The following SLC9C2 variants were observed in gnomAD, a reference collection of about 807,000 sequenced individuals.
SLC9C2 encodes the protein solute carrier family 9 member C2 (putative), also known as sodium/hydrogen exchanger 11.
SLC9C2 carries 75 observed loss-of-function variants against 140.2 expected under a neutral mutation model. The ratio of observed to expected loss-of-function variants is 0.53; its 90% CI spans 0.44 to 0.65. The LOEUF (loss-of-function observed/expected upper bound fraction) is 0.65, where lower values mean the gene tolerates loss of function less well. Ranked by LOEUF, SLC9C2 falls within the 30% of genes least tolerant of loss-of-function variation. The pLI is 0.00. For missense variants in SLC9C2, 1,074 were observed against 1,331.8 expected (o/e 0.81, Z 3.01); for synonymous variants, 375 against 420.9 (o/e 0.89, Z 1.34).
At chr1:173,514,923 C>A (rs184872011) in intron 23 of SLC9C2, among the ~76,000 whole-genome samples, 1 of 152,186 alleles carries the variant, frequency 6.6e-6, no homozygotes, top group East Asian at 1.9e-4. Context: ...CTTAGTTTAG[C>A]TGGATATGAA....
Position 173,560,761 on chromosome 1 carries a change from C to T in SLC9C2, c.1047-3253G>A, listed in dbSNP as rs192559297. 7.8e-3 allele frequency among the ~76,000 whole-genome samples: 1,194 copies of T among 152,136 alleles called. 8 individuals are homozygous for T. The highest frequency in any genetic ancestry group is 0.013 in the Non-Finnish European group (861 of 67,964). On this transcript the variant is annotated intron_variant, in intron 9 of 27. Transcript: ENST00000367714. ...CAGCTAGCTATGAAGCCCCATAACACGTTTCTTGTTCCTTCTCTCTTTCTT... is the reference window on the plus strand; with the variant it reads ...CAGCTAGCTATGAAGCCCCATAACATGTTTCTTGTTCCTTCTCTCTTTCTT...
chr1:173,592,602 T>C (rs1390815365), intron 4 of SLC9C2, among the ~76,000 whole-genome samples: 1 of 152,208 alleles, frequency 6.6e-6, no homozygotes, highest in East Asian at 1.9e-4. Context: ...CTAGATATTT[T>C]AGTCTTTTAT....
At chr1:173,512,759 G>T (rs1245881104) in intron 23 of SLC9C2, among the ~76,000 whole-genome samples, 3 of 152,140 alleles carry the variant, frequency 2.0e-5, no homozygotes, top group Non-Finnish European at 2.9e-5. Context: ...TCCAGCTTTT[G>T]CCATTCAGTA....
chr1:173,565,152 T>C (rs1328168864), intron 9 of SLC9C2, among the ~76,000 whole-genome samples: 1 of 151,936 alleles, frequency 6.6e-6, no homozygotes. Flanking sequence ...TCCCATTCTG[T>C]GGGTTGTCTC....
chr1:173,550,353 A>G (rs1663167445), intron 11 of SLC9C2, among the ~76,000 whole-genome samples: 1 of 152,012 alleles, frequency 6.6e-6, no homozygotes, highest in African/African-American at 2.4e-5. Context: ...GCAGTGAGCC[A>G]TAATCGTGCC....
Position 173,581,828 on chromosome 1 carries a change from G to T in SLC9C2, c.802+19C>A. The T allele has an allele frequency of 6.7e-7, 1 of 1,492,584 alleles. No homozygotes were observed. The highest frequency in any genetic ancestry group is 2.1e-5 in the Admixed American group (1 of 47,680). The allele number at this position is 1,492,584 out of a possible 1,614,324, so 92.5% of individuals were successfully genotyped here. On this transcript the variant is annotated intron_variant, in intron 7 of 27. Transcript: ENST00000367714. ...ACTTACTTTAAGGACAGTAATTTTT[G>T]TATTTATTTCAGCCTTACCAATATA...
intron 13 of SLC9C2, among the ~76,000 whole-genome samples, chr1:173,547,344 A>G (rs944391953): frequency 2.6e-5 from 4 of 151,496 alleles, no homozygotes; most frequent in Non-Finnish European, 5.9e-5. Flanking sequence ...AATTTCGTAT[A>G]AATGGAACTC....
chr1:173,524,249 C>T (rs1270000654), intron 20 of SLC9C2, among the ~76,000 whole-genome samples, 155 bp from the exon 21 acceptor site: 1 of 152,172 alleles, frequency 6.6e-6, no homozygotes, highest in Non-Finnish European at 1.5e-5. Flanking sequence ...ATTCCTCTAA[C>T]CATTTTTGTC....
At chr1:173,519,623 A>G (rs1660659969) in intron 22 of SLC9C2, among the ~76,000 whole-genome samples, 1 of 152,232 alleles carries the variant, frequency 6.6e-6, no homozygotes, top group Non-Finnish European at 1.5e-5. Context: ...AAAATCCCCA[A>G]AGAAACATGT....
Position 173,601,640 on chromosome 1 carries a change from A to C in SLC9C2, c.127+10T>G. ...CAGAGGAAAGATGAGTTTCAAAAAC[A>C]ACCACCTACCTCCCAAAACAACAAT... On this transcript the variant is annotated intron_variant, in intron 2 of 27. Transcript: ENST00000367714. 6.2e-7 allele frequency: 1 copy of C among 1,612,636 alleles called. No homozygotes were observed. Among genetic ancestry groups the C allele is most frequent in the Non-Finnish European group, 8.5e-7 (1 of 1,179,336 alleles).
chr1:173,578,609 T>C (rs752922456), intron 7 of SLC9C2, among the ~76,000 whole-genome samples: 5 of 152,096 alleles, frequency 3.3e-5, no homozygotes, highest in Non-Finnish European at 7.4e-5. Flanking sequence ...ACCACAGAAA[T>C]GTATTGTCTC....
chr1:173,546,643 A>G (rs542881058), intron 13 of SLC9C2, among the ~76,000 whole-genome samples: 130 of 152,166 alleles, frequency 8.5e-4, no homozygotes, highest in Non-Finnish European at 1.6e-3. Context: ...ATGAAAGCAA[A>G]AAGAAGAAAT....
rs572120802 is a variant in SLC9C2 at position 173,516,090 on chromosome 1, C to T, written c.2907+1447G>A. ...GGCACCGAACTGATGCCAGTAGGAA[C>T]GCTCCTGTATAGGGTGTCTGATAAC... is the stretch of plus-strand genomic sequence containing the variant. On this transcript the variant is annotated intron_variant, in intron 23 of 27. Transcript: ENST00000367714. Among the ~76,000 whole-genome samples the T allele has an allele frequency of 5.9e-5, 9 of 152,274 alleles. No homozygotes were observed. In the South Asian group the frequency reaches 1.5e-3, roughly 25 times the overall value.
intron 2 of SLC9C2, 73 bp downstream of exon 2, chr1:173,601,577 T>C: frequency 6.5e-7 from 1 of 1,540,628 alleles, no homozygotes; most frequent in Non-Finnish European, 8.8e-7. Context: ...TGTTATGTAG[T>C]TGTGATGGCT....
intron 5 of SLC9C2, among the ~76,000 whole-genome samples, chr1:173,585,414 A>G (rs1439308220): frequency 6.6e-6 from 1 of 152,178 alleles, no homozygotes; most frequent in African/African-American, 2.4e-5. Flanking sequence ...TATTTTATTT[A>G]ATAGTTTCTT....
At chr1:173,543,635 T>C (rs929682705) in intron 13 of SLC9C2, among the ~76,000 whole-genome samples, 7 of 152,180 alleles carry the variant, frequency 4.6e-5, no homozygotes, top group African/African-American at 1.7e-4. Flanking sequence ...AAAAACAGCA[T>C]GGTACTGGTA....
intron 22 of SLC9C2, among the ~76,000 whole-genome samples, chr1:173,519,993 A>C (rs1226417238): frequency 1.3e-5 from 2 of 152,118 alleles, no homozygotes; most frequent in Non-Finnish European, 2.9e-5. Flanking sequence ...CACAAAAATT[A>C]GATGGGCGTG....
In SLC9C2 at chr1:173,516,117, C is replaced by T. The variant is rs1660398428; in HGVS notation, c.2907+1420G>A. ...CTCCTGTATAGGGTGTCTGATAACC[C>T]CTATTGGAGGGTATCACCCAGTTGG... is the stretch of plus-strand genomic sequence containing the variant. On this transcript the variant is annotated intron_variant, in intron 23 of 27. Transcript: ENST00000367714. 2.0e-5 allele frequency among the ~76,000 whole-genome samples: 3 copies of T among 152,214 alleles called. No individual in the cohort carries two copies. The South Asian group carries it at 6.2e-4, about 32-fold the overall frequency.
chr1:173,573,148 G>A (rs1417520257), intron 9 of SLC9C2, 34 bp downstream of exon 9: 1 of 1,422,126 alleles, frequency 7.0e-7, no homozygotes, highest in African/African-American at 1.5e-5. Context: ...GAGAATCTCA[G>A]TTTAGTAAAC....
Sources: allele counts gnomAD v4.1 joint callset (sites outside exome capture counted in the v4.1 genomes callset), GRCh38; gene constraint gnomAD v4.1.1; transcripts MANE v1.5; gene names NCBI Gene and HGNC (gene_info 2026-07-23, HGNC 2026-07-21).